The following CLCN4 variants were observed in gnomAD, a reference collection of about 807,000 sequenced individuals.
The protein encoded by CLCN4 is Cl-/H+ antiporter 4, also known as H(+)/Cl(-) exchange transporter 4.
A neutral mutation model predicts 41.7 loss-of-function variants in CLCN4; 1 was observed. The ratio of observed to expected loss-of-function variants is 0.02; its 90% CI spans 0.01 to 0.11. The LOEUF is 0.11. CLCN4 is among the 10% of genes least tolerant of loss of function. The probability of loss-of-function intolerance (pLI) is 1.00; values close to 1 mark genes in which losing one functional copy is unlikely to be tolerated. For synonymous variants in CLCN4, 277 were observed against 285.8 expected (o/e 0.97, Z 0.31); for missense variants, 287 against 661.0 (o/e 0.43, Z 6.20).
intron 2 of CLCN4, among the ~76,000 whole-genome samples, chrX:10,167,634 C>T (rs894437049): frequency 1.8e-5 from 2 of 112,437 alleles, no homozygotes; most frequent in Admixed American, 9.4e-5. Context: ...ACTGCCATGT[C>T]GTGGGGACAT....
chrX:10,235,724 G>A lies in CLCN4; in HGVS notation c.*2140G>A, dbSNP rs1441851179. ...CTCCAGGTTAAGAAATTTTAAGTCA[G>A]ATCATGCTGACACAATAAGAAAATT... On this transcript the variant is annotated 3_prime_UTR_variant, in exon 13 of 13. Transcript: ENST00000380833. 13 of 112,345 alleles carry A rather than the reference G, an allele frequency of 1.2e-4. No homozygotes were observed. The highest frequency in any genetic ancestry group is 3.8e-5 in the Non-Finnish European group (2 of 53,322). The allele number at this position is 112,345 out of a possible 1,213,427, so 9.3% of individuals were successfully genotyped here.
intron 4 of CLCN4, among the ~76,000 whole-genome samples, chrX:10,193,030 G>C (rs188860622): frequency 8.9e-6 from 1 of 112,191 alleles, no homozygotes; most frequent in Admixed American, 9.4e-5. Flanking sequence ...GTGGACTGAA[G>C]TGGAGATATC....
At chrX:10,206,317 G>A in intron 6 of CLCN4, 41 bp from the exon 7 acceptor site, 1 of 1,029,424 alleles carries the variant, frequency 9.7e-7, no homozygotes, top group Non-Finnish European at 1.4e-6. Context: ...GCCATGGATT[G>A]AAGGAGTTCA....
chrX:10,191,596 G>A (rs931150716), intron 4 of CLCN4, among the ~76,000 whole-genome samples: 4 of 110,809 alleles, frequency 3.6e-5, no homozygotes, highest in East Asian at 2.8e-4. Flanking sequence ...TGGTTCTGGC[G>A]CGATCATGGT....
chrX:10,157,232 C>T (rs1602132786), intron 1 of CLCN4, 132 bp downstream of exon 1: 1 of 275,633 alleles, frequency 3.6e-6, no homozygotes, highest in African/African-American at 2.8e-5. Context: ...CTGTATTTAT[C>T]CCCAAATTAG....
chrX:10,196,285 A>G (rs1259376921), intron 5 of CLCN4, among the ~76,000 whole-genome samples: 1 of 112,559 alleles, frequency 8.9e-6, no homozygotes, highest in African/African-American at 3.2e-5. Context: ...CACAGGAGAT[A>G]ATAGTGGTGA....
chrX:10,222,473 C>A (rs760647292), intron 12 of CLCN4, among the ~76,000 whole-genome samples: 3 of 111,542 alleles, frequency 2.7e-5, no homozygotes, highest in Non-Finnish European at 5.7e-5. Context: ...CCAGAGCCAG[C>A]ACACTCTAGT....
intron 4 of CLCN4, among the ~76,000 whole-genome samples, chrX:10,194,008 G>A (rs1354286816): frequency 1.8e-5 from 2 of 108,497 alleles, no homozygotes; most frequent in African/African-American, 6.7e-5. Context: ...AGAGGAAGAG[G>A]TTGAAGATAC....
chrX:10,186,466 G>C (rs1317609851), intron 3 of CLCN4, among the ~76,000 whole-genome samples: 1 of 111,220 alleles, frequency 9.0e-6, no homozygotes, highest in Non-Finnish European at 1.9e-5. Context: ...TTGTGTAGGG[G>C]CCTGCTCACA....
chrX:10,203,217 C>CA (rs1211726914), intron 6 of CLCN4, among the ~76,000 whole-genome samples: 1 of 111,747 alleles, frequency 8.9e-6, no homozygotes, highest in Non-Finnish European at 1.9e-5. Flanking sequence ...AACTAACTGA[C>CA]AAAAAATTAT....
chrX:10,157,916 A>G (rs1422451627), intron 1 of CLCN4, among the ~76,000 whole-genome samples: 2 of 112,558 alleles, frequency 1.8e-5, no homozygotes, highest in Non-Finnish European at 3.8e-5. Flanking sequence ...CCTTTGGCAA[A>G]TACAAATTAA....
chrX:10,216,300 A>G (rs182428938), intron 11 of CLCN4, among the ~76,000 whole-genome samples: 3 of 112,435 alleles, frequency 2.7e-5, no homozygotes, highest in African/African-American at 9.7e-5. Flanking sequence ...GCATGGCGTT[A>G]TCTTTGTTAG....
In CLCN4 at chrX:10,161,124, G is replaced by GCTCTCTCTCTCTCT. The variant is rs34687262; in HGVS notation, c.-12+2598_-12+2611dup. Among the ~76,000 whole-genome samples the GCTCTCTCTCTCTCT allele has an allele frequency of 6.0e-3, 520 of 86,376 alleles. 14 individuals are homozygous for GCTCTCTCTCTCTCT. Among genetic ancestry groups the GCTCTCTCTCTCTCT allele is most frequent in the African/African-American group, 0.016 (355 of 22,353 alleles). The allele number at this position is 86,376 out of a possible 115,157, so 75.0% of individuals were successfully genotyped here. A position where few individuals can be genotyped will look rare whatever the true frequency, so the allele number is the denominator to read the frequency against. ...GTTCCCTTTCCGTTGCCATCAGCTT[G>GCTCTCTCTCTCTCT]CTCTCTCTCTCTCTCTCTCTCTCTC... On this transcript the variant is annotated intron_variant, in intron 2 of 12. Transcript: ENST00000380833.
chrX:10,203,145 G>A (rs897174326), intron 6 of CLCN4, among the ~76,000 whole-genome samples: 1 of 112,185 alleles, frequency 8.9e-6, no homozygotes, highest in African/African-American at 3.2e-5. Flanking sequence ...TAATTTAGAT[G>A]CTTGTAATTT....
intron 6 of CLCN4, among the ~76,000 whole-genome samples, chrX:10,198,775 G>A (rs931970164): frequency 7.1e-5 from 8 of 112,192 alleles, no homozygotes; most frequent in African/African-American, 2.3e-4. Context: ...GCTGATTCCC[G>A]AAAAGCCCAG....
chrX:10,198,879 C>T (rs759741880), intron 6 of CLCN4, among the ~76,000 whole-genome samples: 2 of 112,112 alleles, frequency 1.8e-5, no homozygotes, highest in African/African-American at 3.2e-5. Context: ...GATGCCTTAG[C>T]GATGCACACA....
Position 10,213,985 on chromosome X carries a change from G to A in CLCN4, c.1881G>A (p.Lys627=). Residue 627 remains lysine (K), a synonymous_variant, in exon 11 of 13, where the codon AAG becomes AAA. Transcript: ENST00000380833. ...TCGAGGACGTGGAGACGCTCATCAA[G>A]GAGACCGACTACAACGGCTTCCCCG... ...MTVEDVETLI[K]ETDYNGFPVV... is the part of the protein sequence containing the mutation. 8.3e-7 allele frequency: 1 copy of A among 1,211,374 alleles called. No homozygotes were observed. The highest frequency in any genetic ancestry group is 1.1e-6 in the Non-Finnish European group (1 of 895,090).
intron 2 of CLCN4, among the ~76,000 whole-genome samples, chrX:10,180,300 T>C (rs767678709): frequency 5.4e-5 from 6 of 112,028 alleles, no homozygotes; most frequent in Non-Finnish European, 1.9e-5. Context: ...AGGTAGAGTC[T>C]ACTTTCTCTC....
intron 11 of CLCN4, 108 bp downstream of exon 11, chrX:10,214,187 C>T (rs1924645746): frequency 4.7e-6 from 4 of 851,682 alleles, no homozygotes; most frequent in Admixed American, 8.4e-5. Context: ...GCCAGGGGCT[C>T]TCAAGCTTTC....
Sources: allele counts gnomAD v4.1 joint callset (sites outside exome capture counted in the v4.1 genomes callset), GRCh38; gene constraint gnomAD v4.1.1; transcripts MANE v1.5; gene names NCBI Gene and HGNC (gene_info 2026-07-23, HGNC 2026-07-21).